Variants in FHIP1A observed in about 807,000 individuals in gnomAD.
The protein encoded by FHIP1A is FHF complex subunit HOOK interacting protein 1A, also known as FHF complex subunit HOOK-interacting protein 1A.
Under a neutral mutation model 88.6 loss-of-function variants are expected in FHIP1A, and 61 were observed. The ratio of observed to expected loss-of-function variants is 0.69; its 90% CI spans 0.56 to 0.85. FHIP1A has a LOEUF of 0.85. Among genes scored for constraint, FHIP1A ranks in the 40% least tolerant of loss-of-function variants. The pLI, the probability that FHIP1A is intolerant of heterozygous loss-of-function variation, is 0.00. For synonymous variants in FHIP1A, 478 were observed against 496.0 expected, an observed-to-expected ratio of 0.96 and a Z score of 0.48; for missense variants, 1,154 against 1,273.5, an observed-to-expected ratio of 0.91 and a Z score of 1.43.
At chr4:151,654,773 T>C (rs1737165729) in intron 11 of FHIP1A, among the ~76,000 whole-genome samples, 1 of 152,202 alleles carries the variant, frequency 6.6e-6, no homozygotes, top group African/African-American at 2.4e-5. Context: ...CCCAGTTGTT[T>C]GTTAAGCATC....
At chr4:151,502,559 C>T (rs1253429413) in intron 3 of FHIP1A, among the ~76,000 whole-genome samples, 2 of 152,024 alleles carry the variant, frequency 1.3e-5, no homozygotes, top group South Asian at 2.1e-4. Flanking sequence ...ACAGGAATCA[C>T]CCAATCTGAG....
At chr4:151,544,357 C>T (rs6858483) in intron 3 of FHIP1A, among the ~76,000 whole-genome samples, 43,953 of 151,970 alleles carry the variant, frequency 0.29, 6,568 homozygotes, top group Non-Finnish European at 0.34. Flanking sequence ...TACAGTGAGA[C>T]ATAGCTGCCC....
intron 3 of FHIP1A, among the ~76,000 whole-genome samples, chr4:151,529,910 TG>T (rs1731809655): frequency 6.6e-6 from 1 of 152,150 alleles, no homozygotes; most frequent in Non-Finnish European, 1.5e-5. Flanking sequence ...AAAGATGAGG[TG>T]GGGCCATATT....
chr4:151,473,217 G>A (rs938493945), intron 2 of FHIP1A, among the ~76,000 whole-genome samples: 2 of 152,184 alleles, frequency 1.3e-5, no homozygotes, highest in East Asian at 3.9e-4. Flanking sequence ...CTTAGAGAAA[G>A]GACTAAATAA....
intron 7 of FHIP1A, among the ~76,000 whole-genome samples, chr4:151,618,804 G>A (rs924405696): frequency 1.3e-5 from 2 of 152,144 alleles, no homozygotes; most frequent in African/African-American, 4.8e-5. Context: ...AAATGCAAGT[G>A]TCTTATATTC....
intron 13 of FHIP1A, among the ~76,000 whole-genome samples, chr4:151,660,878 C>G (rs149761944): frequency 2.2e-3 from 337 of 152,344 alleles, no homozygotes; most frequent in Non-Finnish European, 3.8e-3. Flanking sequence ...CCTATTGACT[C>G]ATTTAATCCT....
At chr4:151,615,628 C>T in intron 7 of FHIP1A, among the ~76,000 whole-genome samples, 1 of 152,182 alleles carries the variant, frequency 6.6e-6, no homozygotes, top group East Asian at 1.9e-4. Context: ...TTCATCCTCA[C>T]ATAGTCAACC....
chr4:151,638,586 A>ATT, intron 8 of FHIP1A, 91 bp from the exon 9 acceptor site: 1 of 717,944 alleles, frequency 1.4e-6, no homozygotes, highest in African/African-American at 1.9e-5. Flanking sequence ...AAAGGCCATT[A>ATT]TATTTTGTAA....
intron 3 of FHIP1A, among the ~76,000 whole-genome samples, chr4:151,525,999 C>T (rs1272952577): frequency 6.6e-6 from 1 of 152,094 alleles, no homozygotes; most frequent in African/African-American, 2.4e-5. Flanking sequence ...TTTAACAAAG[C>T]ACATCTTGCA....
chr4:151,600,787 C>T (rs987285592), intron 7 of FHIP1A, among the ~76,000 whole-genome samples: 4 of 152,144 alleles, frequency 2.6e-5, no homozygotes, highest in African/African-American at 7.2e-5. Flanking sequence ...GCATGGCAGC[C>T]TCCGGTAATT....
At chr4:151,459,609 T>C (rs1295190443) in intron 2 of FHIP1A, among the ~76,000 whole-genome samples, 1 of 152,236 alleles carries the variant, frequency 6.6e-6, no homozygotes, top group Non-Finnish European at 1.5e-5. Flanking sequence ...AAGTGATTTA[T>C]GTTTAGCAAA....
chr4:151,653,310 G>T (rs987105413), intron 11 of FHIP1A, among the ~76,000 whole-genome samples: 1 of 151,880 alleles, frequency 6.6e-6, no homozygotes, highest in African/African-American at 2.4e-5. Context: ...ACGAGGTGTG[G>T]TCTCTAGGGT....
intron 3 of FHIP1A, among the ~76,000 whole-genome samples, chr4:151,487,172 G>A (rs1000814362): frequency 3.9e-5 from 6 of 151,964 alleles, no homozygotes; most frequent in Non-Finnish European, 8.8e-5. Context: ...TTTTGTCCCT[G>A]CCCTGTATTT....
chr4:151,542,843 T>C (rs758131775), intron 3 of FHIP1A, among the ~76,000 whole-genome samples: 3 of 152,230 alleles, frequency 2.0e-5, no homozygotes, highest in Admixed American at 1.3e-4. Context: ...TTCAGCCACT[T>C]ACCTCAGGAA....
intron 3 of FHIP1A, among the ~76,000 whole-genome samples, chr4:151,560,155 A>C (rs1578753214): frequency 6.6e-6 from 1 of 152,194 alleles, no homozygotes; most frequent in Non-Finnish European, 1.5e-5. Flanking sequence ...TATTTCACTA[A>C]TTACACTTAG....
rs972613544 is a variant in FHIP1A at position 151,594,576 on chromosome 4, CT to C, written c.978+5653del. Among the ~76,000 whole-genome samples, 4 of 142,612 alleles carry C rather than the reference CT, an allele frequency of 2.8e-5. No individual in the cohort carries two copies. The Admixed American group carries it at 2.9e-4, about 10-fold the overall frequency. The allele number at this position is 142,612 out of a possible 152,430, so 93.6% of individuals were successfully genotyped here. A position where few individuals can be genotyped will look rare whatever the true frequency, so the allele number is the denominator to read the frequency against. On this transcript the variant is annotated intron_variant, in intron 7 of 13. Transcript: ENST00000435205. The stretch of plus-strand genomic sequence containing the variant: ...TCTGTGGGATGAGTGGTGATATCCC[CT>C]TTGTCTTTTTTTTTTTTGAGATGGA...
chr4:151,526,780 G>A (rs1274663776), intron 3 of FHIP1A, among the ~76,000 whole-genome samples: 9 of 150,534 alleles, frequency 6.0e-5, no homozygotes, highest in African/African-American at 2.0e-4. Flanking sequence ...GGCGGCTGCC[G>A]GGCGGAGGGG....
At chr4:151,577,354 T>C (rs1578773579) in intron 4 of FHIP1A, 96 bp from the exon 5 acceptor site, 4 of 1,220,754 alleles carry the variant, frequency 3.3e-6, no homozygotes, top group Non-Finnish European at 3.4e-6. Flanking sequence ...CAGTGGCTCC[T>C]GCATTTTTGG....
chr4:151,475,166 C>G (rs973690482), intron 2 of FHIP1A, among the ~76,000 whole-genome samples: 1 of 152,178 alleles, frequency 6.6e-6, no homozygotes, highest in African/African-American at 2.4e-5. Flanking sequence ...TTTGTTCATT[C>G]ATCCATTCAA....
Sources: gnomAD v4.1 joint callset for allele counts (sites outside exome capture counted in the v4.1 genomes callset) on GRCh38, gnomAD v4.1.1 for gene constraint, MANE v1.5 for transcripts, NCBI Gene and HGNC (gene_info 2026-07-23, HGNC 2026-07-21) for gene names.